The following FHL5 variants were observed in gnomAD, a reference collection of about 807,000 sequenced individuals.
FHL5 encodes the protein four and a half LIM domains 5, also known as four and a half LIM domains protein 5.
FHL5 carries 33 observed loss-of-function variants against 32.0 expected under a neutral mutation model. That is an observed-to-expected ratio of 1.03 (90% confidence interval 0.78 to 1.38). The LOEUF is 1.38. Ranked by LOEUF, FHL5 falls within the 40% of genes most tolerant of loss-of-function variation. FHL5 has a pLI of 0.00. For synonymous variants in FHL5, 114 were observed against 113.6 expected, an observed-to-expected ratio of 1.00 and a Z score of -0.02; for missense variants, 336 against 343.9, an observed-to-expected ratio of 0.98 and a Z score of 0.18.
At chr6:96,592,794 T>C (rs1225442928) in intron 1 of FHL5, among the ~76,000 whole-genome samples, 2 of 152,188 alleles carry the variant, frequency 1.3e-5, no homozygotes, top group Admixed American at 1.3e-4. Flanking sequence ...GTCCCTGACT[T>C]CCCGCAACAT....
At chr6:96,593,526 G>A (rs981622299) in intron 1 of FHL5, among the ~76,000 whole-genome samples, 2 of 151,992 alleles carry the variant, frequency 1.3e-5, no homozygotes, top group Non-Finnish European at 2.9e-5. Context: ...TTCCATCTCT[G>A]AAATACTAGT....
intron 1 of FHL5, among the ~76,000 whole-genome samples, chr6:96,590,380 G>A (rs1014803738): frequency 1.3e-5 from 2 of 151,712 alleles, no homozygotes; most frequent in Non-Finnish European, 2.9e-5. Context: ...GTTTCTCAGG[G>A]AATTTAAATA....
chr6:96,563,046 A>C (rs909372630), upstream of FHL5: 2 of 152,216 alleles, frequency 1.3e-5, no homozygotes, highest in African/African-American at 4.8e-5. Flanking sequence ...ATCCTGGCAG[A>C]ATTTCCCTTT....
At chr6:96,596,265 T>C (rs1166519340) in intron 1 of FHL5, among the ~76,000 whole-genome samples, 1 of 152,068 alleles carries the variant, frequency 6.6e-6, no homozygotes, top group Non-Finnish European at 1.5e-5. Context: ...GCCTCTGAGA[T>C]TTTCCCTTAC....
In FHL5 at chr6:96,587,221, C is replaced by T. The variant is rs534113336; in HGVS notation, c.-12-16381C>T. Among the ~76,000 whole-genome samples the T allele has an allele frequency of 3.3e-5, 5 of 152,272 alleles. 1 individual carries two copies. The highest frequency in any genetic ancestry group is 1.9e-4 in the East Asian group (1 of 5,170). On this transcript the variant is annotated intron_variant, in intron 1 of 5. Coordinates refer to ENST00000450218, the MANE Select transcript of FHL5 (RefSeq NM_001322466.2). ...CTTCACCAGAGAGTTCTTCACAATGCCCCTGCTCATTTCTCTCATCAAACA... is the reference window on the plus strand; with the variant it reads ...CTTCACCAGAGAGTTCTTCACAATGTCCCTGCTCATTTCTCTCATCAAACA...
rs1217241541 is a variant in FHL5, at chr6:96,618,323, T to C, written c.*2551T>C. ...GGAAAGAAGTTAAAAGCAAATCCCA[T>C]GTGCCAATAACAACCAGATGGCTTG... On this transcript the variant is annotated 3_prime_UTR_variant, in exon 6 of 6. Transcript: ENST00000450218. 5.3e-5 allele frequency among the ~76,000 whole-genome samples: 8 copies of C among 152,258 alleles called. No homozygotes were observed. In the East Asian group the frequency reaches 1.4e-3, roughly 26 times the overall value.
At chr6:96,598,745 T>C (rs1248774380) in intron 1 of FHL5, among the ~76,000 whole-genome samples, 1 of 152,208 alleles carries the variant, frequency 6.6e-6, no homozygotes, top group Non-Finnish European at 1.5e-5. Context: ...TTCTCATCAC[T>C]TTCTAACTTT....
At chr6:96,599,381 G>C (rs1481713084) in intron 1 of FHL5, among the ~76,000 whole-genome samples, 1 of 151,974 alleles carries the variant, frequency 6.6e-6, no homozygotes, top group Non-Finnish European at 1.5e-5. Flanking sequence ...TTTTAGTAGA[G>C]CAGGGGTTTC....
intron 1 of FHL5, among the ~76,000 whole-genome samples, chr6:96,586,432 G>A (rs997477676): frequency 6.6e-6 from 1 of 152,018 alleles, no homozygotes; most frequent in East Asian, 1.9e-4. Context: ...GCAACAAGAA[G>A]GATAAGACAT....
rs1771556715 is a variant in FHL5, at chr6:96,618,013, C to T, written c.*2241C>T. Among the ~76,000 whole-genome samples, 1 of 152,116 alleles carries T rather than the reference C, an allele frequency of 6.6e-6. No individual in the cohort carries two copies. The highest frequency in any genetic ancestry group is 1.5e-5 in the Non-Finnish European group (1 of 68,024). On this transcript the variant is annotated 3_prime_UTR_variant, in exon 6 of 6. Transcript: ENST00000450218. ...GGTCTGGAGTTGTAGGAGGATGGAT[C>T]ATGGTATGGAAATGCAGAAGTGCCT...
At chr6:96,587,891 G>C (rs920080604) in intron 1 of FHL5, among the ~76,000 whole-genome samples, 2 of 151,710 alleles carry the variant, frequency 1.3e-5, no homozygotes, top group South Asian at 4.1e-4. Flanking sequence ...CTGCATTAAG[G>C]AGGGTACCTG....
Position 96,603,789 on chromosome 6 carries a change from T to C in FHL5, c.159+17T>C, listed in dbSNP as rs779647561. On this transcript the variant is annotated intron_variant, in intron 2 of 5. Transcript: ENST00000450218. ...GATTCTAAGGTAAGTCTCACCTCAA[T>C]TTACAGAATTACTGCCTATGAACAG... The C allele has an allele frequency of 1.9e-6, 3 of 1,597,564 alleles. No homozygotes were observed. In the South Asian group the frequency reaches 3.4e-5, roughly 18 times the overall value.
intron 1 of FHL5, among the ~76,000 whole-genome samples, chr6:96,578,919 C>T (rs908375887): frequency 1.4e-4 from 22 of 152,010 alleles, no homozygotes; most frequent in African/African-American, 4.6e-4. Context: ...TAAGTATTTG[C>T]GAAATTTCAT....
At chr6:96,586,140 G>A (rs1431347802) in intron 1 of FHL5, among the ~76,000 whole-genome samples, 1 of 152,134 alleles carries the variant, frequency 6.6e-6, no homozygotes, top group African/African-American at 2.4e-5. Flanking sequence ...CCAGCTCTTC[G>A]TGAGCACAAC....
At chr6:96,584,684 G>T (rs1309519203) in intron 1 of FHL5, among the ~76,000 whole-genome samples, 2 of 152,102 alleles carry the variant, frequency 1.3e-5, no homozygotes, top group South Asian at 4.2e-4. Flanking sequence ...GGATGTTCTG[G>T]AATTCTCCAG....
At chr6:96,599,160 G>C (rs9486663) in intron 1 of FHL5, among the ~76,000 whole-genome samples, 2,812 of 149,144 alleles carry the variant, frequency 0.019, 82 homozygotes, top group African/African-American at 0.064. Context: ...AACATTCTCA[G>C]CTACAGAAAC....
At chr6:96,562,622 A>C (rs773689069), upstream of FHL5, 7 of 152,208 alleles carry the variant, frequency 4.6e-5, no homozygotes, top group Non-Finnish European at 1.0e-4. Flanking sequence ...TGAGTATTCT[A>C]CTCAAACTTA....
At chr6:96,604,601 C>A in intron 2 of FHL5, 149 bp from the exon 3 acceptor site, 1 of 524,524 alleles carries the variant, frequency 1.9e-6, no homozygotes, top group Non-Finnish European at 3.2e-6. Flanking sequence ...AGTCTCCTCT[C>A]TATGGGTAAC....
At chr6:96,588,234 G>A (rs549859909) in intron 1 of FHL5, among the ~76,000 whole-genome samples, 4 of 151,572 alleles carry the variant, frequency 2.6e-5, no homozygotes, top group African/African-American at 7.3e-5. Context: ...TTTTTGAGAC[G>A]AAGTCTCACT....
Sources: gnomAD v4.1 joint callset for allele counts (sites outside exome capture counted in the v4.1 genomes callset) on GRCh38, gnomAD v4.1.1 for gene constraint, MANE v1.5 for transcripts, NCBI Gene and HGNC (gene_info 2026-07-23, HGNC 2026-07-21) for gene names.